Variants in ARHGEF3 observed in about 807,000 individuals in gnomAD.
ARHGEF3 encodes the protein 59.8 kDA protein.
A neutral mutation model predicts 63.2 loss-of-function variants in ARHGEF3; 28 were observed. That is an observed-to-expected ratio of 0.44 (90% CI 0.33 to 0.61). The LOEUF (loss-of-function observed/expected upper bound fraction) is 0.61. Among genes scored for constraint, ARHGEF3 ranks in the 20% least tolerant of loss-of-function variants. The probability of loss-of-function intolerance (pLI) is 0.03; values close to 1 mark genes in which losing one functional copy is unlikely to be tolerated. For synonymous variants in ARHGEF3, 266 were observed against 254.2 expected (o/e 1.05, Z -0.44); for missense variants, 533 against 659.3 (o/e 0.81, Z 2.10).
intron 1 of ARHGEF3, among the ~76,000 whole-genome samples, chr3:57,062,361 C>T (rs890191448): frequency 1.1e-4 from 17 of 152,248 alleles, no homozygotes; most frequent in African/African-American, 3.4e-4. Flanking sequence ...AGCTCCAGAC[C>T]GGCTACCACA....
chr3:56,971,964 C>T (rs946686874), intron 2 of ARHGEF3, among the ~76,000 whole-genome samples: 5 of 65,194 alleles, frequency 7.7e-5, no homozygotes, highest in Admixed American at 6.1e-4. Context: ...GAGTATCTGC[C>T]CCACAGCACA....
intron 2 of ARHGEF3, among the ~76,000 whole-genome samples, chr3:56,988,345 C>T (rs912385769): frequency 6.6e-6 from 1 of 152,052 alleles, no homozygotes; most frequent in African/African-American, 2.4e-5. Context: ...GACGGGGTTT[C>T]ACCATGTTGG....
intron 1 of ARHGEF3, among the ~76,000 whole-genome samples, chr3:56,800,644 A>C (rs929227582): frequency 6.6e-6 from 1 of 152,358 alleles, no homozygotes; most frequent in African/African-American, 2.4e-5. Context: ...GACCCAAGGA[A>C]GGCGAGTGGG....
At chr3:56,882,508 C>CTTTTTTT (rs397989726) in intron 3 of ARHGEF3, among the ~76,000 whole-genome samples, 1 of 84,334 alleles carries the variant, frequency 1.2e-5, no homozygotes, top group Non-Finnish European at 2.2e-5. Flanking sequence ...ATGAACACTT[C>CTTTTTTT]TTTTTTTTTT....
intron 1 of ARHGEF3, among the ~76,000 whole-genome samples, chr3:57,057,542 G>T (rs1326475711): frequency 1.3e-5 from 2 of 152,118 alleles, no homozygotes; most frequent in African/African-American, 4.8e-5. Flanking sequence ...GGTAGAGTCT[G>T]AGCCGGTCTT....
At chr3:56,988,515 C>G (rs1174616252) in intron 2 of ARHGEF3, among the ~76,000 whole-genome samples, 2 of 152,114 alleles carry the variant, frequency 1.3e-5, no homozygotes, top group East Asian at 3.9e-4. Context: ...TAAATGTCAC[C>G]TGTCATTATT....
At chr3:56,760,972 A>G (rs2035381982) in intron 2 of ARHGEF3, among the ~76,000 whole-genome samples, 1 of 152,204 alleles carries the variant, frequency 6.6e-6, no homozygotes, top group Non-Finnish European at 1.5e-5. Context: ...AGGGAGGAAT[A>G]AAGAATGCCA....
intron 1 of ARHGEF3, among the ~76,000 whole-genome samples, chr3:57,071,936 A>G (rs1705928843): frequency 6.6e-6 from 1 of 152,214 alleles, no homozygotes; most frequent in Non-Finnish European, 1.5e-5. Context: ...AGAGACATAT[A>G]ATCCAATTTA....
intron 3 of ARHGEF3, among the ~76,000 whole-genome samples, chr3:56,928,049 T>C (rs1272431918): frequency 2.0e-5 from 3 of 152,068 alleles, no homozygotes; most frequent in Non-Finnish European, 2.9e-5. Context: ...AGCCCTCAAT[T>C]CTGCAGACAC....
chr3:57,030,904 T>C (rs151097132), intron 2 of ARHGEF3, among the ~76,000 whole-genome samples: 8 of 152,302 alleles, frequency 5.3e-5, no homozygotes, highest in Non-Finnish European at 1.0e-4. Flanking sequence ...AGTCATTTGG[T>C]TAAAAGACAA....
rs2039070725 is a variant in ARHGEF3, at chr3:56,835,253, G to A, written c.192+47039C>T. Among the ~76,000 whole-genome samples, 3 of 152,006 alleles carry A rather than the reference G, an allele frequency of 2.0e-5. No homozygotes were observed. In the South Asian group the frequency reaches 6.3e-4, roughly 32 times the overall value. On this transcript the variant is annotated intron_variant, in intron 4 of 12. Transcript: ENST00000338458. The stretch of plus-strand genomic sequence containing the variant: ...TGCAATGGTGTGATCTCGGCTCACT[G>A]CAACCTCTGTCTCCTGGGTTCAAGC...
chr3:57,010,411 G>C (rs540957074), intron 2 of ARHGEF3, among the ~76,000 whole-genome samples: 1 of 141,080 alleles, frequency 7.1e-6, no homozygotes, highest in Non-Finnish European at 1.5e-5. Flanking sequence ...AGCCGAGATC[G>C]CACCACTGCA....
At chr3:56,873,115 C>T (rs1422139827) in intron 4 of ARHGEF3, among the ~76,000 whole-genome samples, 15 of 152,090 alleles carry the variant, frequency 9.9e-5, no homozygotes, top group Admixed American at 9.2e-4. Context: ...CCTCCCACCT[C>T]AGCCTCCCAA....
intron 4 of ARHGEF3, among the ~76,000 whole-genome samples, chr3:56,817,592 G>A (rs1020867133): frequency 5.3e-5 from 8 of 152,180 alleles, no homozygotes; most frequent in African/African-American, 1.9e-4. Flanking sequence ...AATGTTAGGT[G>A]CCATTTGCCT....
intron 2 of ARHGEF3, among the ~76,000 whole-genome samples, chr3:57,028,225 A>G (rs1012891974): frequency 7.0e-6 from 1 of 142,764 alleles, no homozygotes; most frequent in Non-Finnish European, 1.5e-5. Context: ...TCATGCTGCT[A>G]TAAAGACACA....
chr3:56,791,974 C>T (rs2037098248), intron 1 of ARHGEF3, among the ~76,000 whole-genome samples: 1 of 151,868 alleles, frequency 6.6e-6, no homozygotes, highest in Non-Finnish European at 1.5e-5. Flanking sequence ...GGTGCGGTGG[C>T]TCACGCCTGT....
rs376723853 is a variant in ARHGEF3 at position 56,778,525 on chromosome 3, A to G, written c.97-4709T>C. On this transcript the variant is annotated intron_variant, in intron 1 of 9. Transcript: ENST00000296315. ...ATGAACACTAAAATTCAAATTTCAT[A>G]GTTTTCATGTCACAAAATATTCTTT... Among the ~76,000 whole-genome samples, 29 of 152,310 alleles carry G rather than the reference A, an allele frequency of 1.9e-4. No homozygotes were observed. The South Asian group carries it at 5.6e-3, about 29-fold the overall frequency.
chr3:56,925,648 C>G (rs1331879826), intron 3 of ARHGEF3, among the ~76,000 whole-genome samples: 93 of 151,356 alleles, frequency 6.1e-4, no homozygotes, highest in Non-Finnish European at 3.1e-4. Flanking sequence ...CTTTTATTAT[C>G]CCTAGTTTAT....
chr3:56,796,067 C>T (rs565477459), intron 1 of ARHGEF3, among the ~76,000 whole-genome samples: 75 of 152,130 alleles, frequency 4.9e-4, no homozygotes, highest in Middle Eastern at 6.8e-3. Context: ...AACGCAGTCA[C>T]GGCAATTTCC....
Sources: gnomAD v4.1 joint callset for allele counts (sites outside exome capture counted in the v4.1 genomes callset) on GRCh38, gnomAD v4.1.1 for gene constraint, MANE v1.5 for transcripts, NCBI Gene and HGNC (gene_info 2026-07-23, HGNC 2026-07-21) for gene names.